Variants in RIN2 observed in about 807,000 individuals in gnomAD.
The protein encoded by RIN2 is RAB5 interacting protein 2.
Under a neutral mutation model 78.0 loss-of-function variants are expected in RIN2, and 36 were observed. That is an observed-to-expected ratio of 0.46 (90% CI 0.35 to 0.61). The LOEUF is 0.61. Ranked by LOEUF, RIN2 falls within the 20% of genes least tolerant of loss-of-function variation. The pLI is 0.00. For synonymous variants in RIN2, 466 were observed against 466.8 expected (o/e 1.00, Z 0.02); for missense variants, 1,087 against 1,159.7 (o/e 0.94, Z 0.91).
chr20:19,966,349 T>C (rs1041413053), intron 7 of RIN2, among the ~76,000 whole-genome samples: 2 of 145,822 alleles, frequency 1.4e-5, no homozygotes, highest in East Asian at 2.1e-4. Context: ...TGAGATGGAG[T>C]TTCACTTTTG....
intron 4 of RIN2, among the ~76,000 whole-genome samples, chr20:19,937,833 C>T (rs1600867366): frequency 1.3e-5 from 2 of 152,216 alleles, no homozygotes; most frequent in African/African-American, 4.8e-5. Context: ...GCTGTGACAA[C>T]GGTGAAACCT....
At chr20:19,804,028 G>T (rs547649271) in intron 2 of RIN2, among the ~76,000 whole-genome samples, 3 of 152,134 alleles carry the variant, frequency 2.0e-5, no homozygotes, top group African/African-American at 4.8e-5. Flanking sequence ...CAATGCTTGC[G>T]ATTTTCCCAC....
intron 3 of RIN2, among the ~76,000 whole-genome samples, chr20:19,933,437 C>CG (rs2040513474): frequency 6.6e-6 from 1 of 152,180 alleles, no homozygotes; most frequent in Non-Finnish European, 1.5e-5. Context: ...CCAACCCGCC[C>CG]TGATCTGTTT....
intron 2 of RIN2, chr20:19,886,612 C>CTTTTTTTT (rs11362637): frequency 1.9e-4 from 99 of 520,920 alleles, no homozygotes; most frequent in Admixed American, 7.0e-4. Context: ...TCTTCTTCTT[C>CTTTTTTTT]TTTTTTTTTT....
intron 12 of RIN2, 41 bp downstream of exon 12, chr20:19,996,883 G>T: frequency 1.3e-6 from 2 of 1,526,318 alleles, no homozygotes; most frequent in Non-Finnish European, 8.8e-7. Context: ...CGTCCTCCAG[G>T]AATGCGGAGC....
At chr20:19,959,800 C>T (rs1021931934) in intron 5 of RIN2, among the ~76,000 whole-genome samples, 7 of 152,174 alleles carry the variant, frequency 4.6e-5, no homozygotes, top group African/African-American at 9.7e-5. Context: ...GGCTGCCACA[C>T]GCCATACTCC....
intron 2 of RIN2, among the ~76,000 whole-genome samples, chr20:19,811,858 A>AT (rs535645744): frequency 6.6e-6 from 1 of 151,958 alleles, no homozygotes; most frequent in Non-Finnish European, 1.5e-5. Context: ...AAAAAAAAAA[A>AT]GCTTTGTTTG....
intron 2 of RIN2, among the ~76,000 whole-genome samples, chr20:19,857,038 C>T (rs2037191210): frequency 1.3e-5 from 2 of 152,162 alleles, no homozygotes; most frequent in Non-Finnish European, 2.9e-5. Context: ...GCCCAGTGAA[C>T]TTTAGGCAGA....
In RIN2 at chr20:19,763,076, T is replaced by G. The variant is rs148361512; in HGVS notation, c.-163+4749T>G. Among the ~76,000 whole-genome samples, 41 of 152,276 alleles carry G rather than the reference T, an allele frequency of 2.7e-4. No homozygotes were observed. The East Asian group carries it at 8.0e-3, about 30-fold the overall frequency. ...CACCATGCACAGGCCTAAATGTGAT[T>G]TTTAACCTGTTGAGTTTAAAAGTCC... On this transcript the variant is annotated intron_variant, in intron 1 of 12. Coordinates refer to ENST00000255006, the MANE Select transcript of RIN2 (RefSeq NM_018993.4).
chr20:19,767,922 CAAAAAA>C (rs61365306), intron 1 of RIN2, among the ~76,000 whole-genome samples: 2 of 124,624 alleles, frequency 1.6e-5, no homozygotes, highest in Non-Finnish European at 3.2e-5. Flanking sequence ...AAAACTGTCT[CAAAAAA>C]AAAAAAAAAA....
chr20:19,760,698 T>C (rs913734809), intron 1 of RIN2, among the ~76,000 whole-genome samples: 15 of 152,332 alleles, frequency 9.8e-5, no homozygotes, highest in Middle Eastern at 3.4e-3. Flanking sequence ...GACCCATTAA[T>C]GGGAGGCCCA....
intron 2 of RIN2, among the ~76,000 whole-genome samples, chr20:19,872,843 T>C (rs1473001625): frequency 6.6e-6 from 1 of 152,178 alleles, no homozygotes; most frequent in Non-Finnish European, 1.5e-5. Flanking sequence ...TACCCATTGA[T>C]TATGATGCTC....
chr20:19,983,416 T>A (rs548575642), intron 9 of RIN2, among the ~76,000 whole-genome samples: 19 of 152,244 alleles, frequency 1.2e-4, no homozygotes, highest in Admixed American at 6.5e-4. Context: ...AGTCCCAGCG[T>A]CGTAGGGCTG....
intron 4 of RIN2, among the ~76,000 whole-genome samples, chr20:19,952,322 G>A (rs1295913122): frequency 1.3e-5 from 2 of 152,220 alleles, no homozygotes; most frequent in African/African-American, 2.4e-5. Flanking sequence ...GCAGCAGATG[G>A]GGCATGGGTG....
intron 2 of RIN2, among the ~76,000 whole-genome samples, chr20:19,858,387 G>A (rs1468869726): frequency 6.6e-6 from 1 of 152,142 alleles, no homozygotes; most frequent in Non-Finnish European, 1.5e-5. Flanking sequence ...CTGATTTTTG[G>A]TCTAAGGGAC....
intron 3 of RIN2, among the ~76,000 whole-genome samples, chr20:19,895,458 T>A (rs947960657): frequency 6.6e-6 from 1 of 152,162 alleles, no homozygotes; most frequent in Non-Finnish European, 1.5e-5. Flanking sequence ...CCTTTCTAAG[T>A]GGCTGCCTTC....
At chr20:19,773,924 T>C (rs2034223636) in intron 1 of RIN2, among the ~76,000 whole-genome samples, 2 of 149,376 alleles carry the variant, frequency 1.3e-5, no homozygotes, top group Admixed American at 1.3e-4. Flanking sequence ...ATATATATAA[T>C]AAAGATAAAG....
rs1268427260 is a variant in RIN2, at chr20:20,000,804, C to A, written c.2556C>A (p.Tyr852Ter). 1 of 1,613,972 alleles carries A rather than the reference C, an allele frequency of 6.2e-7. No homozygotes were observed. ...GGCAGCAGCTGGCAGAGGACACTTACCCTCAAAAAATCAAGGCGGAGCTGC... is the reference window on the plus strand; with the variant it reads ...GGCAGCAGCTGGCAGAGGACACTTAACCTCAAAAAATCAAGGCGGAGCTGC... ...ETWQQLAEDTYPQKIKAELHS... is the reference protein window; with the variant it reads ...ETWQQLAEDT The change falls in exon 13 of 13, where the codon TAC becomes TAA. Residue 852 changes from tyrosine to a stop codon, truncating the protein, a stop_gained. Coordinates refer to ENST00000255006, the MANE Select transcript of RIN2 (RefSeq NM_018993.4). LOFTEE classifies it high-confidence loss of function.
At chr20:19,820,060 T>C (rs2035882764) in intron 2 of RIN2, among the ~76,000 whole-genome samples, 2 of 152,194 alleles carry the variant, frequency 1.3e-5, no homozygotes, top group South Asian at 4.1e-4. Context: ...TGGCATTATA[T>C]GGTTCTCATT....
Sources: gnomAD v4.1 joint callset for allele counts (sites outside exome capture counted in the v4.1 genomes callset) on GRCh38, gnomAD v4.1.1 for gene constraint, MANE v1.5 for transcripts, NCBI Gene and HGNC (gene_info 2026-07-23, HGNC 2026-07-21) for gene names.